Variants in ETS1 observed in about 807,000 individuals in gnomAD.
The protein encoded by ETS1 is ETS proto-oncogene 1, transcription factor.
A neutral mutation model predicts 58.6 loss-of-function variants in ETS1; 15 were observed. The ratio of observed to expected loss-of-function variants is 0.26; its 90% CI spans 0.17 to 0.39. The LOEUF (loss-of-function observed/expected upper bound fraction) is 0.39. Among genes scored for constraint, ETS1 ranks in the 10% least tolerant of loss-of-function variants. The pLI, the probability that ETS1 is intolerant of heterozygous loss-of-function variation, is 1.00. For synonymous variants in ETS1, 214 were observed against 218.2 expected (o/e 0.98, Z 0.17); for missense variants, 417 against 610.5 (o/e 0.68, Z 3.34).
At chr11:128,569,633 G>C (rs1864586168) in intron 2 of ETS1, among the ~76,000 whole-genome samples, 1 of 152,106 alleles carries the variant, frequency 6.6e-6, no homozygotes, top group African/African-American at 2.4e-5. Flanking sequence ...GTTTATCACA[G>C]CCCAGTCTAA....
At chr11:128,576,944 G>A (rs764090298) in intron 1 of ETS1, among the ~76,000 whole-genome samples, 5 of 152,110 alleles carry the variant, frequency 3.3e-5, no homozygotes, top group East Asian at 1.9e-4. Flanking sequence ...CAGGGTTAGC[G>A]GCTCCTTGTT....
intron 3 of ETS1, among the ~76,000 whole-genome samples, chr11:128,534,095 CAT>C (rs1259742983): frequency 4.6e-5 from 7 of 152,212 alleles, no homozygotes; most frequent in African/African-American, 7.2e-5. Context: ...CACATGCACA[CAT>C]GTTTACACAT....
chr11:128,502,027 A>AGAG (rs1565384422), intron 3 of ETS1, among the ~76,000 whole-genome samples: 10 of 151,866 alleles, frequency 6.6e-5, no homozygotes, highest in Non-Finnish European at 1.5e-4. Context: ...GAGAGAGAGA[A>AGAG]AGAGAGCTGC....
At chr11:128,502,434 G>A (rs997073337) in intron 3 of ETS1, among the ~76,000 whole-genome samples, 1 of 152,166 alleles carries the variant, frequency 6.6e-6, no homozygotes, top group African/African-American at 2.4e-5. Flanking sequence ...ATAACCAATC[G>A]ATGGAGGTCA....
chr11:128,505,409 A>T (rs770814543), intron 3 of ETS1: 16 of 152,266 alleles, frequency 1.1e-4, no homozygotes, highest in Non-Finnish European at 1.6e-4. Flanking sequence ...AGGCAAATGC[A>T]GTCGGAATGC....
At chr11:128,540,823 C>A (rs567683519) in intron 3 of ETS1, among the ~76,000 whole-genome samples, 1 of 152,168 alleles carries the variant, frequency 6.6e-6, no homozygotes, top group African/African-American at 2.4e-5. Context: ...GGAGTCTAAG[C>A]TCATCTCTGA....
chr11:128,498,776 A>G (rs1174705756), intron 3 of ETS1, among the ~76,000 whole-genome samples: 1 of 152,160 alleles, frequency 6.6e-6, no homozygotes, highest in Non-Finnish European at 1.5e-5. Flanking sequence ...TGCAAGGACC[A>G]CCTCCATAGG....
chr11:128,480,306 C>T lies in ETS1; in HGVS notation c.1008G>A (p.Pro336=), dbSNP rs760435806. Residue 336 remains proline, a synonymous_variant, in exon 8 of 10, where the codon CCG becomes CCA. Coordinates refer to ENST00000392668, the MANE Select transcript of ETS1 (RefSeq NM_001143820.2). ...SYDSFDSEDY[P]AALPNHKPKG... ...TGGGCTTGTGGTTGGGCAGGGCAGC[C>T]GGATAGTCCTCTGAGTCGAAGCTGT... 2.5e-6 allele frequency: 4 copies of T among 1,614,100 alleles called. No individual in the cohort carries two copies. The highest frequency in any genetic ancestry group is 2.2e-5 in the East Asian group (1 of 44,850).
At chr11:128,490,322 G>C (rs891480403) in intron 4 of ETS1, 135 bp downstream of exon 4, 1 of 844,254 alleles carries the variant, frequency 1.2e-6, no homozygotes, top group Non-Finnish European at 1.9e-6. Context: ...TGTCCTAACA[G>C]ATGGCAGCCA....
chr11:128,540,501 T>G (rs1864040506), intron 3 of ETS1, among the ~76,000 whole-genome samples: 1 of 151,592 alleles, frequency 6.6e-6, no homozygotes, highest in Non-Finnish European at 1.5e-5. Context: ...AAAAAGTTGG[T>G]TTTCTGGAGG....
Position 128,585,072 on chromosome 11 carries a change from GAAAGA to G in ETS1, c.-15+2411_-15+2415del, listed in dbSNP as rs1565421344. On this transcript the variant is annotated intron_variant, in intron 1 of 9. Transcript: ENST00000392668. ...AGAAAGAAAGAAAGAAAGAAAGAAA[GAAAGA>G]GAAAGAAAGAAAGGAAAGAAAGAAA... 4.8e-3 allele frequency among the ~76,000 whole-genome samples: 91 copies of G among 18,938 alleles called. 12 individuals carry two copies. Among genetic ancestry groups the G allele is most frequent in the Middle Eastern group, 0.011 (1 of 88 alleles). 12.4% of individuals were successfully genotyped at this position (18,938 alleles called of 152,430 possible).
intron 1 of ETS1, among the ~76,000 whole-genome samples, chr11:128,578,867 G>C (rs977711494): frequency 2.0e-5 from 3 of 152,118 alleles, no homozygotes; most frequent in Non-Finnish European, 2.9e-5. Context: ...TACTTTTAAA[G>C]AGCCTCTTAT....
chr11:128,480,101 G>A (rs997937653), intron 8 of ETS1, 90 bp downstream of exon 8: 41 of 1,531,976 alleles, frequency 2.7e-5, no homozygotes, highest in African/African-American at 2.0e-4. Context: ...GTCTCTCGTC[G>A]TCTCTGGTCA....
chr11:128,528,557 A>G (rs1206461365), intron 3 of ETS1, among the ~76,000 whole-genome samples: 6 of 152,200 alleles, frequency 3.9e-5, no homozygotes, highest in Non-Finnish European at 8.8e-5. Flanking sequence ...CTTTAAAGGC[A>G]GCAACTGAGG....
Position 128,585,052 on chromosome 11 carries a change from GAAAGAAAGAAAGAAAGAAAGAAAGA to G in ETS1, c.-15+2411_-15+2435del, listed in dbSNP as rs1565421248. Among the ~76,000 whole-genome samples, 14 of 19,998 alleles carry G rather than the reference GAAAGAAAGAAAGAAAGAAAGAAAGA, an allele frequency of 7.0e-4. 1 individual carries two copies. The highest frequency in any genetic ancestry group is 3.4e-3 in the African/African-American group (7 of 2,042). 13.1% of individuals were successfully genotyped at this position (19,998 alleles called of 152,430 possible). On this transcript the variant is annotated intron_variant, in intron 1 of 9. Coordinates refer to ENST00000392668, the MANE Select transcript of ETS1 (RefSeq NM_001143820.2). ...GAAAGAAAAGAAAGAAAGAAAGAAA[GAAAGAAAGAAAGAAAGAAAGAAAGA>G]GAAAGAAAGAAAGGAAAGAAAGAAA...
chr11:128,545,782 G>C (rs775615398), intron 3 of ETS1, among the ~76,000 whole-genome samples: 1 of 152,168 alleles, frequency 6.6e-6, no homozygotes, highest in African/African-American at 2.4e-5. Flanking sequence ...AGTTCCGAGG[G>C]ATCTAAACCA....
chr11:128,518,823 G>A (rs1863591423), intron 3 of ETS1, among the ~76,000 whole-genome samples: 1 of 152,250 alleles, frequency 6.6e-6, no homozygotes, highest in Non-Finnish European at 1.5e-5. Context: ...CCCGATGGAT[G>A]TACACCCTCT....
chr11:128,542,693 C>A (rs933477829), intron 3 of ETS1, among the ~76,000 whole-genome samples: 1 of 152,154 alleles, frequency 6.6e-6, no homozygotes, highest in African/African-American at 2.4e-5. Flanking sequence ...AACCCCTCCA[C>A]TAGCTACAGA....
Position 128,585,088 on chromosome 11 carries a change from AAG to A in ETS1, c.-15+2398_-15+2399del, listed in dbSNP as rs1565421439. 9.2e-4 allele frequency among the ~76,000 whole-genome samples: 29 copies of A among 31,596 alleles called. 1 individual carries two copies. Among genetic ancestry groups the A allele is most frequent in the Middle Eastern group, 7.8e-3 (1 of 128 alleles). 20.7% of individuals were successfully genotyped at this position (31,596 alleles called of 152,430 possible). Reference sequence around the variant, plus strand: ...AGAAAGAAAGAAAGAGAAAGAAAGAAAGGAAAGAAAGAAAGGAAGGAAGGAAG... The same window carrying A: ...AGAAAGAAAGAAAGAGAAAGAAAGAAGAAAGAAAGAAAGGAAGGAAGGAAG... On this transcript the variant is annotated intron_variant, in intron 1 of 9. Coordinates refer to ENST00000392668, the MANE Select transcript of ETS1 (RefSeq NM_001143820.2).
Sources: gnomAD v4.1 joint callset for allele counts (sites outside exome capture counted in the v4.1 genomes callset) on GRCh38, gnomAD v4.1.1 for gene constraint, MANE v1.5 for transcripts, NCBI Gene and HGNC (gene_info 2026-07-23, HGNC 2026-07-21) for gene names.